The following IL20RB variants were observed in gnomAD, a reference collection of about 807,000 sequenced individuals.
The protein encoded by IL20RB is interleukin-20 receptor subunit beta.
Under a neutral mutation model 33.3 loss-of-function variants are expected in IL20RB, and 21 were observed. That is an observed-to-expected ratio of 0.63 (90% CI 0.45 to 0.91). The LOEUF is 0.91. Ranked by LOEUF, IL20RB falls within the 40% of genes least tolerant of loss-of-function variation. IL20RB has a pLI of 0.00. For missense variants in IL20RB, 345 were observed against 384.8 expected, an observed-to-expected ratio of 0.90 and a Z score of 0.86; for synonymous variants, 147 against 146.8, an observed-to-expected ratio of 1.00 and a Z score of -0.01.
chr3:136,980,477 A>G lies in IL20RB; in HGVS notation c.100A>G (p.Ile34Val), dbSNP rs759497042. ...TGCCTTGATCCTAGATGAAGTGGCCATTCTGCCTGCCCCTCAGAACCTCTC... is the reference window on the plus strand; with the variant it reads ...TGCCTTGATCCTAGATGAAGTGGCCGTTCTGCCTGCCCCTCAGAACCTCTC... ...IPCLLTDEVAILPAPQNLSVL... is the reference protein window; with the variant it reads ...IPCLLTDEVAVLPAPQNLSVL... The change falls in exon 2 of 7, where the codon ATT becomes GTT. Residue 34 changes from isoleucine (I) to valine (V), a missense_variant. By Grantham distance (29) the Ile-to-Val change is conservative. Coordinates refer to ENST00000329582, the MANE Select transcript of IL20RB (RefSeq NM_144717.4). The G allele has an allele frequency of 4.3e-6, 7 of 1,614,086 alleles. No individual in the cohort carries two copies. Among genetic ancestry groups the G allele is most frequent in the Middle Eastern group, 1.6e-4 (1 of 6,084 alleles).
chr3:136,989,397 C>G, intron 3 of IL20RB, 44 bp from the exon 4 acceptor site: 1 of 1,609,996 alleles, frequency 6.2e-7, no homozygotes, highest in African/African-American at 1.3e-5. Flanking sequence ...GGAAATCAAC[C>G]CTGTCTGGGG....
chr3:137,001,773 C>A (rs913572398), intron 6 of IL20RB, among the ~76,000 whole-genome samples: 4 of 151,874 alleles, frequency 2.6e-5, no homozygotes, highest in East Asian at 1.9e-4. Flanking sequence ...AAGTAATAAT[C>A]TTTTATTATT....
chr3:136,985,337 CTTTTT>C (rs35515236), intron 3 of IL20RB, among the ~76,000 whole-genome samples: 5 of 137,276 alleles, frequency 3.6e-5, no homozygotes, highest in Admixed American at 1.5e-4. Context: ...CTCTCTCTCT[CTTTTT>C]TTTTTTTTTT....
At chr3:136,970,675 T>C (rs1419126053) in intron 1 of IL20RB, among the ~76,000 whole-genome samples, 1 of 143,540 alleles carries the variant, frequency 7.0e-6, no homozygotes, top group Non-Finnish European at 1.6e-5. Context: ...TTTTTTGAGA[T>C]GGAGTCTCGC....
At chr3:137,004,960 C>T (rs1190524541) in intron 6 of IL20RB, among the ~76,000 whole-genome samples, 1 of 152,136 alleles carries the variant, frequency 6.6e-6, no homozygotes. Context: ...GATTCTGCTA[C>T]GTTGTGTCTT....
At chr3:136,959,699 C>T (rs1941165426) in intron 1 of IL20RB, 1 of 152,236 alleles carries the variant, frequency 6.6e-6, no homozygotes, top group East Asian at 1.9e-4. Context: ...GCACTTCTGA[C>T]GCTTATAAAC....
intron 1 of IL20RB, among the ~76,000 whole-genome samples, chr3:136,958,617 T>G (rs1941107173): frequency 6.6e-6 from 1 of 152,192 alleles, no homozygotes; most frequent in African/African-American, 2.4e-5. Flanking sequence ...TTTGTGAGCT[T>G]AACATTGGAT....
At chr3:136,964,153 T>C (rs1941311755) in intron 1 of IL20RB, among the ~76,000 whole-genome samples, 2 of 35,638 alleles carry the variant, frequency 5.6e-5, no homozygotes, top group African/African-American at 2.8e-4. Flanking sequence ...GCAATAAACA[T>C]ACGTGTGCAT....
intron 6 of IL20RB, among the ~76,000 whole-genome samples, chr3:137,000,309 T>C (rs1217543411): frequency 6.6e-6 from 1 of 152,228 alleles, no homozygotes; most frequent in Non-Finnish European, 1.5e-5. Context: ...ATCAGATATT[T>C]GGGCAGAATT....
At chr3:136,973,640 T>G (rs923610575) in intron 1 of IL20RB, among the ~76,000 whole-genome samples, 3 of 152,240 alleles carry the variant, frequency 2.0e-5, no homozygotes, top group African/African-American at 7.2e-5. Flanking sequence ...AGATGATCTG[T>G]CTAATGCTGA....
chr3:136,991,283 G>A (rs1431713332), intron 4 of IL20RB, among the ~76,000 whole-genome samples: 1 of 152,140 alleles, frequency 6.6e-6, no homozygotes, highest in Non-Finnish European at 1.5e-5. Flanking sequence ...GTGCCTCCTC[G>A]TTACCATCTC....
chr3:137,005,100 G>T (rs866381401), intron 6 of IL20RB, among the ~76,000 whole-genome samples: 2 of 152,192 alleles, frequency 1.3e-5, no homozygotes, highest in Middle Eastern at 3.2e-3. Context: ...TTAATCTTGA[G>T]TTCTAATTTG....
intron 3 of IL20RB, among the ~76,000 whole-genome samples, chr3:136,988,650 G>A (rs1465499912): frequency 3.3e-5 from 5 of 151,982 alleles, no homozygotes; most frequent in African/African-American, 1.2e-4. Flanking sequence ...GGCTAAGGTG[G>A]GAGGATTACC....
chr3:137,005,688 A>C (rs887860974), intron 6 of IL20RB, among the ~76,000 whole-genome samples: 2 of 152,140 alleles, frequency 1.3e-5, no homozygotes, highest in African/African-American at 4.8e-5. Flanking sequence ...TCTCCTGAAT[A>C]CAGCACACTG....
chr3:136,971,010 A>C (rs1037959648), intron 1 of IL20RB, among the ~76,000 whole-genome samples: 1 of 152,154 alleles, frequency 6.6e-6, no homozygotes, highest in African/African-American at 2.4e-5. Flanking sequence ...TACTGTATAT[A>C]ATGTATAGTG....
In IL20RB at chr3:136,989,495, T is replaced by C. The variant is rs754677409; in HGVS notation, c.461T>C (p.Ile154Thr). 1 of 1,614,012 alleles carries C rather than the reference T, an allele frequency of 6.2e-7. No homozygotes were observed. Among genetic ancestry groups the C allele is most frequent in the Non-Finnish European group, 8.5e-7 (1 of 1,179,910 alleles). Reference sequence around the variant, plus strand: ...ACCAAAGATGGCTTCCACCTGGTTATTGAGCTGGAGGACCTGGGGCCCCAG... The same window carrying C: ...ACCAAAGATGGCTTCCACCTGGTTACTGAGCTGGAGGACCTGGGGCCCCAG... ...EITKDGFHLVIELEDLGPQFE... is the reference protein window; with the variant it reads ...EITKDGFHLVTELEDLGPQFE... Residue 154 changes from isoleucine to threonine, a missense_variant, in exon 4 of 7, where the codon ATT becomes ACT. Coordinates refer to ENST00000329582, the MANE Select transcript of IL20RB (RefSeq NM_144717.4).
chr3:136,982,423 C>G (rs1941800021), intron 3 of IL20RB, 73 bp downstream of exon 3: 1 of 1,126,916 alleles, frequency 8.9e-7, no homozygotes, highest in Non-Finnish European at 1.3e-6. Flanking sequence ...CCTAAACTTT[C>G]TAGACTCTTT....
At chr3:136,963,445 G>A (rs1941279439) in intron 1 of IL20RB, among the ~76,000 whole-genome samples, 1 of 152,116 alleles carries the variant, frequency 6.6e-6, no homozygotes, top group African/African-American at 2.4e-5. Context: ...ATCCTTGCCA[G>A]CATTTAGTTT....
At chr3:136,984,671 G>T (rs541347094) in intron 3 of IL20RB, among the ~76,000 whole-genome samples, 2 of 152,056 alleles carry the variant, frequency 1.3e-5, no homozygotes, top group African/African-American at 4.8e-5. Flanking sequence ...GATGGGGCAG[G>T]AATAGGACCA....
Sources: gnomAD v4.1 joint callset for allele counts (sites outside exome capture counted in the v4.1 genomes callset) on GRCh38, gnomAD v4.1.1 for gene constraint, MANE v1.5 for transcripts, NCBI Gene and HGNC (gene_info 2026-07-23, HGNC 2026-07-21) for gene names.